PRH1: variants seen among roughly 807,000 people sequenced by gnomAD.
The protein encoded by PRH1 is salivary acidic proline-rich phosphoprotein 1/2.
In PRH1, 7 loss-of-function variants were observed where a neutral mutation model predicts 7.9. That is an observed-to-expected ratio of 0.89 (90% CI 0.50 to 1.67). PRH1 has a LOEUF of 1.67. PRH1 is among the 40% of genes most tolerant of loss of function. The pLI is 0.00. For synonymous variants in PRH1, 45 were observed against 80.8 expected (o/e 0.56, Z 2.38); for missense variants, 109 against 223.6 (o/e 0.49, Z 3.27).
chr12:11,014,994 TAAGTA>T (rs1941226318), intron 1 of PRH1, among the ~76,000 whole-genome samples: 1 of 151,976 alleles, frequency 6.6e-6, no homozygotes, highest in South Asian at 2.1e-4. Flanking sequence ...AATTTCACAA[TAAGTA>T]AAGATGCTTA....
At chr12:11,080,881 G>A (rs1248527648) in intron 1 of PRH1, among the ~76,000 whole-genome samples, 1 of 117,240 alleles carries the variant, frequency 8.5e-6, no homozygotes, top group Non-Finnish European at 2.0e-5. Context: ...TTAAAATCAG[G>A]TTGTATTCAG....
At chr12:11,143,371 A>C (rs188099232) in intron 1 of PRH1, among the ~76,000 whole-genome samples, 35 of 152,300 alleles carry the variant, frequency 2.3e-4, no homozygotes, top group Admixed American at 2.3e-3. Context: ...GATACACACA[A>C]AAAAATAAAA....
chr12:11,016,173 T>TATCTGGTAGTGTAGGGATTCA (rs1941285305), intron 1 of PRH1, among the ~76,000 whole-genome samples: 1 of 152,214 alleles, frequency 6.6e-6, no homozygotes, highest in Admixed American at 6.5e-5. Flanking sequence ...CCAATTCAAC[T>TATCTGGTAGTGTAGGGATTCA]GTCTGATAGA....
Position 11,171,007 on chromosome 12 carries a change from T to C in PRH1, n.39+415A>G, listed in dbSNP as rs1490167543. Among the ~76,000 whole-genome samples, 9 of 152,376 alleles carry C rather than the reference T, an allele frequency of 5.9e-5. No individual in the cohort carries two copies. In the East Asian group the frequency reaches 1.7e-3, roughly 29 times the overall value. ...AATCTAGCTTTGGCCCTTACAAATT[T>C]TGTGCCCTACGGCAAGTTACATCTC... On this transcript the variant is annotated intron_variant and non_coding_transcript_variant, in intron 1 of 1. Transcript: ENST00000541175.
intron 1 of PRH1, among the ~76,000 whole-genome samples, chr12:11,037,712 T>C (rs1289943173): frequency 6.6e-6 from 1 of 152,244 alleles, no homozygotes; most frequent in Non-Finnish European, 1.5e-5. Flanking sequence ...GATTTACAGT[T>C]CTTGCTTATC....
At chr12:11,113,956 G>A (rs1277171590) in intron 1 of PRH1, among the ~76,000 whole-genome samples, 2 of 152,084 alleles carry the variant, frequency 1.3e-5, no homozygotes, top group African/African-American at 4.8e-5. Flanking sequence ...AAACCACAAT[G>A]AGATACCATC....
chr12:11,141,140 C>T (rs937839934), intron 1 of PRH1, among the ~76,000 whole-genome samples: 15 of 152,172 alleles, frequency 9.9e-5, no homozygotes, highest in African/African-American at 3.6e-4. Context: ...TTAGGGAGAT[C>T]ATCCAGGTGG....
chr12:11,145,404 G>A (rs1565700932), intron 1 of PRH1, among the ~76,000 whole-genome samples: 1 of 152,086 alleles, frequency 6.6e-6, no homozygotes, highest in African/African-American at 2.4e-5. Flanking sequence ...TGTTGGCTAG[G>A]ATGGTCTGAA....
At chr12:10,980,411 G>A (rs577903758) in intron 1 of PRH1, among the ~76,000 whole-genome samples, 2 of 151,984 alleles carry the variant, frequency 1.3e-5, no homozygotes, top group Non-Finnish European at 1.5e-5. Flanking sequence ...TAGATACTGA[G>A]TCACTATCAC....
At chr12:11,049,284 A>G (rs2136144545), upstream of PRH1, 2 of 678,234 alleles carry the variant, frequency 2.9e-6, no homozygotes, top group East Asian at 7.1e-5. Context: ...GAAAGAAAAA[A>G]TGCAGCCTTA....
upstream of PRH1, among the ~76,000 whole-genome samples, chr12:10,887,092 GCT>G (rs1186889045): frequency 3.9e-5 from 6 of 152,162 alleles, no homozygotes; most frequent in African/African-American, 1.4e-4. Flanking sequence ...TCATGCCTCA[GCT>G]CTTTCACACC....
intron 1 of PRH1, chr12:10,986,336 T>G (rs66679979): frequency 6.2e-7 from 1 of 1,613,740 alleles, no homozygotes; most frequent in African/African-American, 1.3e-5. Context: ...CAGTCAAATA[T>G]GAAAGATGTA....
chr12:10,910,447 C>A (rs535592329), intron 2 of PRH1, among the ~76,000 whole-genome samples: 5 of 151,928 alleles, frequency 3.3e-5, no homozygotes, highest in African/African-American at 1.2e-4. Flanking sequence ...CATAGGGAGA[C>A]CCTGTATCTA....
chr12:10,910,568 G>T (rs1376882535), intron 2 of PRH1, among the ~76,000 whole-genome samples: 1 of 152,024 alleles, frequency 6.6e-6, no homozygotes, highest in Admixed American at 6.6e-5. Flanking sequence ...CCTATTTTTG[G>T]ACTGTGGTTG....
chr12:10,936,054 C>T (rs910857435), intron 2 of PRH1, among the ~76,000 whole-genome samples: 24 of 151,858 alleles, frequency 1.6e-4, no homozygotes, highest in African/African-American at 5.8e-4. Context: ...ATGGGGCATT[C>T]GATGATGAAG....
At chr12:11,039,554 G>T (rs1942613663) in intron 1 of PRH1, among the ~76,000 whole-genome samples, 1 of 152,200 alleles carries the variant, frequency 6.6e-6, no homozygotes, top group Non-Finnish European at 1.5e-5. Context: ...TCCATAATTT[G>T]TGTTCAGCAA....
rs185536921 is a variant in PRH1, at chr12:11,032,292, C to T, written c.-126+14728G>A. 9.9e-5 allele frequency among the ~76,000 whole-genome samples: 15 copies of T among 152,246 alleles called. No individual in the cohort carries two copies. In the East Asian group the frequency reaches 2.3e-3, roughly 23 times the overall value. Reference sequence around the variant, plus strand: ...ATATCATATAGTAAATATCTAAATTCTCAAAGGGAGCTTGGTCATAACTAA... The same window carrying T: ...ATATCATATAGTAAATATCTAAATTTTCAAAGGGAGCTTGGTCATAACTAA... On this transcript the variant is annotated intron_variant, in intron 1 of 3. Transcript: ENST00000539853.
At chr12:11,054,251 T>C (rs553042601) in intron 1 of PRH1, among the ~76,000 whole-genome samples, 1 of 152,240 alleles carries the variant, frequency 6.6e-6, no homozygotes, top group Non-Finnish European at 1.5e-5. Flanking sequence ...TTCTAAAAAT[T>C]ACCCCAAAAG....
chr12:11,016,130 C>A (rs1266068221), intron 1 of PRH1, among the ~76,000 whole-genome samples: 1 of 152,222 alleles, frequency 6.6e-6, no homozygotes, highest in Admixed American at 6.5e-5. Context: ...CCCACTTGGC[C>A]ACTTTTACAA....
Sources: allele counts gnomAD v4.1 joint callset (sites outside exome capture counted in the v4.1 genomes callset), GRCh38; gene constraint gnomAD v4.1.1; transcripts MANE v1.5; gene names NCBI Gene and HGNC (gene_info 2026-07-23, HGNC 2026-07-21).